The following CEP112 variants were observed in gnomAD, a reference collection of about 807,000 sequenced individuals.
The protein encoded by CEP112 is centrosomal protein 112.
In CEP112, 127 loss-of-function variants were observed where a neutral mutation model predicts 153.0. The ratio of observed to expected loss-of-function variants is 0.83; its 90% CI spans 0.72 to 0.96. CEP112 has a LOEUF of 0.96. Among genes scored for constraint, CEP112 ranks in the 40% least tolerant of loss-of-function variants. CEP112 has a pLI of 0.00. For synonymous variants in CEP112, 358 were observed against 374.4 expected, an observed-to-expected ratio of 0.96 and a Z score of 0.51; for missense variants, 1,089 against 1,101.2, an observed-to-expected ratio of 0.99 and a Z score of 0.16.
intron 22 of CEP112, among the ~76,000 whole-genome samples, chr17:65,749,424 C>T (rs998421803): frequency 9.9e-5 from 15 of 151,926 alleles, no homozygotes; most frequent in Non-Finnish European, 1.6e-4. Context: ...AGGAGAATGG[C>T]GTGAATCAGG....
At chr17:66,073,935 T>G (rs965084741) in intron 8 of CEP112, among the ~76,000 whole-genome samples, 5 of 151,208 alleles carry the variant, frequency 3.3e-5, no homozygotes, top group Non-Finnish European at 7.4e-5. Context: ...ACCAAAAAAA[T>G]AAAAAAGAAA....
chr17:65,676,723 G>T (rs1025793116), intron 24 of CEP112, among the ~76,000 whole-genome samples: 1 of 152,152 alleles, frequency 6.6e-6, no homozygotes, highest in African/African-American at 2.4e-5. Context: ...GCTTCATTCA[G>T]TTACCATGGC....
chr17:65,720,642 A>G (rs1285368419), intron 23 of CEP112, among the ~76,000 whole-genome samples: 1 of 152,244 alleles, frequency 6.6e-6, no homozygotes, highest in Non-Finnish European at 1.5e-5. Flanking sequence ...GATGGAGTAC[A>G]GACAGAAGCT....
At chr17:65,978,426 G>GCC (rs1241802420) in intron 17 of CEP112, among the ~76,000 whole-genome samples, 1 of 152,242 alleles carries the variant, frequency 6.6e-6, no homozygotes, top group Non-Finnish European at 1.5e-5. Context: ...CCGGAGCAAG[G>GCC]CCCAGCTCGG....
intron 19 of CEP112, among the ~76,000 whole-genome samples, chr17:65,911,568 C>G (rs1422859279): frequency 6.6e-6 from 1 of 152,010 alleles, no homozygotes; most frequent in Non-Finnish European, 1.5e-5. Flanking sequence ...GTGGCTCACC[C>G]CTGTTATCTC....
At chr17:65,952,091 T>C (rs2061855462) in intron 18 of CEP112, among the ~76,000 whole-genome samples, 1 of 152,124 alleles carries the variant, frequency 6.6e-6, no homozygotes, top group Admixed American at 6.5e-5. Flanking sequence ...AGAACACACT[T>C]TGTATTTCCA....
At chr17:65,995,746 T>C (rs2063761756) in intron 17 of CEP112, among the ~76,000 whole-genome samples, 1 of 152,216 alleles carries the variant, frequency 6.6e-6, no homozygotes, top group Non-Finnish European at 1.5e-5. Flanking sequence ...TCATCTTGAA[T>C]TGTAGCTCCC....
intron 23 of CEP112, among the ~76,000 whole-genome samples, chr17:65,701,303 T>C (rs1441305030): frequency 1.3e-5 from 2 of 152,182 alleles, no homozygotes; most frequent in African/African-American, 4.8e-5. Context: ...AATAGGTGGC[T>C]AGGGTGCTGT....
chr17:65,853,628 C>T (rs1039311684), intron 20 of CEP112, among the ~76,000 whole-genome samples: 53 of 151,410 alleles, frequency 3.5e-4, no homozygotes, highest in African/African-American at 1.5e-4. Context: ...GCTCGGAAGG[C>T]GGAGGCAGAG....
At chr17:65,664,420 A>C (rs2046577045) in intron 24 of CEP112, among the ~76,000 whole-genome samples, 1 of 152,242 alleles carries the variant, frequency 6.6e-6, no homozygotes, top group Non-Finnish European at 1.5e-5. Context: ...GAGATCCAAT[A>C]AGTGAGTGTG....
intron 18 of CEP112, among the ~76,000 whole-genome samples, chr17:65,953,732 T>C (rs1237729474): frequency 1.3e-5 from 2 of 151,990 alleles, no homozygotes; most frequent in African/African-American, 4.8e-5. Context: ...GAGGCAGCCA[T>C]AATCCCCCTG....
intron 23 of CEP112, among the ~76,000 whole-genome samples, chr17:65,704,442 C>T (rs1031472671): frequency 6.6e-6 from 1 of 151,956 alleles, no homozygotes; most frequent in African/African-American, 2.4e-5. Context: ...CACACACACA[C>T]ACACACACAC....
At chr17:66,081,989 C>T (rs1005630546) in intron 8 of CEP112, among the ~76,000 whole-genome samples, 1 of 152,084 alleles carries the variant, frequency 6.6e-6, no homozygotes, top group African/African-American at 2.4e-5. Flanking sequence ...TAGATGGAAA[C>T]ATTCAATATG....
At chr17:65,849,999 C>T (rs973523130) in intron 21 of CEP112, among the ~76,000 whole-genome samples, 53 of 151,654 alleles carry the variant, frequency 3.5e-4, no homozygotes, top group African/African-American at 1.3e-3. Context: ...ACTAAAAATA[C>T]AAAAATTAGC....
chr17:65,702,167 C>T lies in CEP112; in HGVS notation c.2608-12949G>A, dbSNP rs531581315. ...CTGGGATTACAGGCATGAGCCACTG[C>T]GCCTGGCCTAACTTCTATTTGAAAT... On this transcript the variant is annotated intron_variant, in intron 23 of 26. Coordinates refer to ENST00000535342, the MANE Select transcript of CEP112 (RefSeq NM_001199165.4). Among the ~76,000 whole-genome samples the T allele has an allele frequency of 6.6e-5, 10 of 152,176 alleles. 1 individual carries two copies. Among genetic ancestry groups the T allele is most frequent in the South Asian group, 4.2e-4 (2 of 4,814 alleles).
In CEP112 at chr17:66,048,776, ATTCTGTATTTTTAGTATAGATGGGGTTTC is replaced by A. The variant is rs1405523068; in HGVS notation, c.1218+4931_1218+4959del. On this transcript the variant is annotated intron_variant, in intron 12 of 26. Coordinates refer to ENST00000535342, the MANE Select transcript of CEP112 (RefSeq NM_001199165.4). ...AGGTACGCATCACCAAGCCCAGCTA[ATTCTGTATTTTTAGTATAGATGGGGTTTC>A]TCCATGTTGGCCAGGCTGATCTCGA... Among the ~76,000 whole-genome samples, 4 of 152,012 alleles carry A rather than the reference ATTCTGTATTTTTAGTATAGATGGGGTTTC, an allele frequency of 2.6e-5. 1 individual carries two copies. Among genetic ancestry groups the A allele is most frequent in the African/African-American group, 9.7e-5 (4 of 41,396 alleles).
chr17:66,128,506 T>A (rs2069969345), intron 6 of CEP112, among the ~76,000 whole-genome samples: 3 of 152,144 alleles, frequency 2.0e-5, no homozygotes, highest in Admixed American at 2.0e-4. Context: ...CAATCCCTAA[T>A]GTCAGTGAAT....
At chr17:66,018,698 G>A (rs1237849820) in intron 16 of CEP112, among the ~76,000 whole-genome samples, 1 of 152,132 alleles carries the variant, frequency 6.6e-6, no homozygotes, top group African/African-American at 2.4e-5. Context: ...GATTTAAAAA[G>A]CGTGCATGAT....
chr17:66,032,412 A>G (rs908073202), intron 12 of CEP112, among the ~76,000 whole-genome samples: 1 of 151,964 alleles, frequency 6.6e-6, no homozygotes, highest in Non-Finnish European at 1.5e-5. Context: ...CAGTGTACTT[A>G]GGAGTAAAAT....
Sources: gnomAD v4.1 joint callset for allele counts (sites outside exome capture counted in the v4.1 genomes callset) on GRCh38, gnomAD v4.1.1 for gene constraint, MANE v1.5 for transcripts, NCBI Gene and HGNC (gene_info 2026-07-23, HGNC 2026-07-21) for gene names.